Variants in SLC15A4 observed in about 807,000 individuals in gnomAD.
The protein encoded by SLC15A4 is solute carrier family 15 member 4, also known as hPHT1.
A neutral mutation model predicts 46.1 loss-of-function variants in SLC15A4; 26 were observed. The ratio of observed to expected loss-of-function variants is 0.56; its 90% confidence interval spans 0.41 to 0.78. The LOEUF is 0.78. SLC15A4 is among the 30% of genes least tolerant of loss of function. The pLI, the probability that SLC15A4 is intolerant of heterozygous loss-of-function variation, is 0.00. For synonymous variants in SLC15A4, 370 were observed against 333.4 expected, an observed-to-expected ratio of 1.11 and a Z score of -1.20; for missense variants, 751 against 755.7, an observed-to-expected ratio of 0.99 and a Z score of 0.07.
chr12:128,804,222 A>C (rs560611407), intron 5 of SLC15A4, among the ~76,000 whole-genome samples: 1 of 152,380 alleles, frequency 6.6e-6, no homozygotes, highest in East Asian at 1.9e-4. Flanking sequence ...CATTAACAAA[A>C]GTATAAACAA....
intron 7 of SLC15A4, 109 bp from the exon 8 acceptor site, chr12:128,794,465 A>G: frequency 9.2e-7 from 1 of 1,081,694 alleles, no homozygotes; most frequent in Non-Finnish European, 1.3e-6. Context: ...GAGTCATAAA[A>G]AAAGTAACAA....
chr12:128,811,035 C>T (rs1470602931), intron 2 of SLC15A4, among the ~76,000 whole-genome samples: 1 of 152,216 alleles, frequency 6.6e-6, no homozygotes, highest in Non-Finnish European at 1.5e-5. Context: ...CTTGTACTAA[C>T]GAGTTTCACT....
Position 128,807,246 on chromosome 12 carries a change from A to C in SLC15A4, c.1258+1542T>G, listed in dbSNP as rs144740351. Among the ~76,000 whole-genome samples, 1,332 of 152,186 alleles carry C rather than the reference A, an allele frequency of 8.8e-3. 15 individuals carry two copies. Among genetic ancestry groups the C allele is most frequent in the Non-Finnish European group, 0.011 (722 of 68,006 alleles). ...AGAACTGACGGAGTGCAATGGGGAAATCTCAACAGTGACTGGTCTGGCACT... is the reference window on the plus strand; with the variant it reads ...AGAACTGACGGAGTGCAATGGGGAACTCTCAACAGTGACTGGTCTGGCACT... On this transcript the variant is annotated intron_variant, in intron 5 of 7. Transcript: ENST00000266771.
At chr12:128,794,379 G>A (rs112276146) in intron 7 of SLC15A4, 23 bp from the exon 8 acceptor site, 51 of 1,598,606 alleles carry the variant, frequency 3.2e-5, no homozygotes, top group Non-Finnish European at 3.6e-5. Flanking sequence ...AAAGGAAAGC[G>A]GCAGGTAAGC....
In SLC15A4 at chr12:128,823,867, G is replaced by A; in HGVS notation, c.77C>T (p.Ala26Val). Residue 26 changes from alanine to valine, a missense_variant, in exon 1 of 8, where the codon GCG becomes GTG. Ala to Val is a moderately conservative substitution (Grantham distance 64). Coordinates refer to ENST00000266771, the MANE Select transcript of SLC15A4 (RefSeq NM_145648.4). The stretch of plus-strand genomic sequence containing the variant: ...GCGCCGGCCCGCGAACGCCCCAGCC[G>A]CCGCCGCGGCCGCCGCCGCCCGCCG... ...GARRAAAAAA[A>V]AGAFAGRRAA... is the part of the protein sequence containing the mutation. 1.0e-6 allele frequency: 1 copy of A among 976,340 alleles called. No homozygotes were observed. The highest frequency in any genetic ancestry group is 5.2e-4 in the Middle Eastern group (1 of 1,920). 60.5% of individuals were successfully genotyped at this position (976,340 alleles called of 1,614,324 possible). A position where few individuals can be genotyped will look rare whatever the true frequency, so the allele number is the denominator to read the frequency against.
intron 7 of SLC15A4, among the ~76,000 whole-genome samples, chr12:128,796,443 A>C (rs1013498273): frequency 6.9e-6 from 1 of 144,048 alleles, no homozygotes; most frequent in African/African-American, 2.5e-5. Context: ...AAAAAAAAAA[A>C]AAAAAAAAAA....
In SLC15A4 at chr12:128,809,927, G is replaced by A; in HGVS notation, c.1011+16C>T. ...TAGGAAGATAAAGGAAATTAAACCTGTTTGTCACCACTCACTTGGAAATAC... is the reference window on the plus strand; with the variant it reads ...TAGGAAGATAAAGGAAATTAAACCTATTTGTCACCACTCACTTGGAAATAC... On this transcript the variant is annotated intron_variant, in intron 3 of 7. Coordinates refer to ENST00000266771, the MANE Select transcript of SLC15A4 (RefSeq NM_145648.4). The A allele has an allele frequency of 6.2e-7, 1 of 1,607,248 alleles. No homozygotes were observed. The highest frequency in any genetic ancestry group is 8.5e-7 in the Non-Finnish European group (1 of 1,177,376).
At position 128,823,498 on chromosome 12, in the gene SLC15A4, G is replaced by A. The variant is rs1955881013; in HGVS notation, c.446C>T (p.Ala149Val). ...GGTGGCCGGTGAGCAGCAGCGGGCGGCGGCGTCGGGACCAGGCGCCGTGCA... is the reference window on the plus strand; with the variant it reads ...GGTGGCCGGTGAGCAGCAGCGGGCGACGGCGTCGGGACCAGGCGCCGTGCA... ...LNCTAPGPDA[A>V]ARCCSPATFA... is the part of the protein sequence containing the mutation. The change falls in exon 1 of 8, where the codon GCC (alanine) becomes GTC (valine). Residue 149 changes from alanine to valine, a missense_variant. Physicochemically the swap from Ala to Val is moderately conservative, Grantham distance 64. Transcript: ENST00000266771. The A allele has an allele frequency of 4.0e-6, 6 of 1,484,706 alleles. No homozygotes were observed. Among genetic ancestry groups the A allele is most frequent in the Non-Finnish European group, 5.3e-6 (6 of 1,124,590 alleles). 92.0% of individuals were successfully genotyped at this position (1,484,706 alleles called of 1,614,324 possible). A position where few individuals can be genotyped will look rare whatever the true frequency, so the allele number is the denominator to read the frequency against.
At position 128,794,036 on chromosome 12, in the gene SLC15A4, G is replaced by T; in HGVS notation, c.*160C>A. ...CACGCTGCAGTAAGGCACTTACCAA[G>T]CTCCTTTGGATAGAGGGAAAGAAGA... On this transcript the variant is annotated 3_prime_UTR_variant, in exon 8 of 8. Transcript: ENST00000266771. The T allele has an allele frequency of 1.5e-6, 1 of 669,282 alleles. No homozygotes were observed. The highest frequency in any genetic ancestry group is 2.3e-6 in the Non-Finnish European group (1 of 426,652). The allele number at this position is 669,282 out of a possible 1,614,324, so 41.5% of individuals were successfully genotyped here.
At chr12:128,809,046 C>G (rs751318060) in intron 4 of SLC15A4, 90 bp from the exon 5 acceptor site, 3 of 1,232,532 alleles carry the variant, frequency 2.4e-6, no homozygotes, top group South Asian at 2.9e-5. Flanking sequence ...GAGAAATGCA[C>G]GTAAAGAACA....
At chr12:128,795,520 C>T (rs944562673) in intron 7 of SLC15A4, among the ~76,000 whole-genome samples, 4 of 152,116 alleles carry the variant, frequency 2.6e-5, no homozygotes, top group African/African-American at 9.7e-5. Flanking sequence ...ATGGGGAAAG[C>T]GCCGAGGAGC....
chr12:128,811,255 A>G (rs1367511159), intron 2 of SLC15A4, among the ~76,000 whole-genome samples: 1 of 152,246 alleles, frequency 6.6e-6, no homozygotes, highest in Non-Finnish European at 1.5e-5. Context: ...AACTGTGGGA[A>G]GCCAACAGAA....
In SLC15A4 at chr12:128,809,459, A is replaced by G. The variant is rs755983787; in HGVS notation, c.1026T>C (p.Tyr342=). ...WTVYFQMQTT[Y]VLQSLHLRIP... ...TCCTCAAATGAAGACTCTGTAAAACATATGTTGTCTGCATCTAGGTATAAA... is the reference window on the plus strand; with the variant it reads ...TCCTCAAATGAAGACTCTGTAAAACGTATGTTGTCTGCATCTAGGTATAAA... The change falls in exon 4 of 8, where the codon TAT becomes TAC. Residue 342 remains tyrosine, a synonymous_variant. Transcript: ENST00000266771. 5 of 1,607,074 alleles carry G rather than the reference A, an allele frequency of 3.1e-6. No homozygotes were observed. Among genetic ancestry groups the G allele is most frequent in the Admixed American group, 1.7e-5 (1 of 58,280 alleles).
At chr12:128,796,083 A>T (rs192851642) in intron 7 of SLC15A4, among the ~76,000 whole-genome samples, 3 of 152,150 alleles carry the variant, frequency 2.0e-5, no homozygotes, top group Non-Finnish European at 4.4e-5. Context: ...TTTCTATCTG[A>T]ACATATACTG....
intron 7 of SLC15A4, among the ~76,000 whole-genome samples, chr12:128,798,922 G>A (rs1276050568): frequency 9.6e-5 from 12 of 125,180 alleles, no homozygotes; most frequent in Non-Finnish European, 2.0e-4. Context: ...GCTGCCTCAC[G>A]AAGACTGAGC....
At chr12:128,814,644 G>T (rs978447160) in intron 2 of SLC15A4, 131 bp downstream of exon 2, 1 of 912,056 alleles carries the variant, frequency 1.1e-6, no homozygotes, top group Non-Finnish European at 1.7e-6. Context: ...AGTGTTAAAG[G>T]AGAGAAGACA....
intron 1 of SLC15A4, among the ~76,000 whole-genome samples, chr12:128,821,722 C>G (rs1566059884): frequency 6.6e-6 from 1 of 152,016 alleles, no homozygotes. Context: ...CCCGTCTCTA[C>G]TAGAAATACA....
chr12:128,808,266 G>C (rs889280616), intron 5 of SLC15A4, among the ~76,000 whole-genome samples: 2 of 152,190 alleles, frequency 1.3e-5, no homozygotes, highest in East Asian at 3.8e-4. Flanking sequence ...GTTCTTATCA[G>C]GTTTATCTGT....
chr12:128,800,462 G>T (rs11059915), intron 6 of SLC15A4, among the ~76,000 whole-genome samples: 33,263 of 152,144 alleles, frequency 0.22, 3,849 homozygotes, highest in South Asian at 0.35. Context: ...GTGAGAACAC[G>T]TTTCTAAAAA....
Sources: allele counts gnomAD v4.1 joint callset (sites outside exome capture counted in the v4.1 genomes callset), GRCh38; gene constraint gnomAD v4.1.1; transcripts MANE v1.5; gene names NCBI Gene and HGNC (gene_info 2026-07-23, HGNC 2026-07-21).